The following MDGA2 variants were observed in gnomAD, a reference collection of about 807,000 sequenced individuals.
The protein encoded by MDGA2 is MAM domain containing glycosylphosphatidylinositol anchor 2, also known as MAM domain-containing glycosylphosphatidylinositol anchor protein 2.
Under a neutral mutation model 117.8 loss-of-function variants are expected in MDGA2, and 40 were observed. The ratio of observed to expected loss-of-function variants is 0.34; its 90% CI spans 0.26 to 0.44. The LOEUF is 0.44. Among genes scored for constraint, MDGA2 ranks in the 20% least tolerant of loss-of-function variants. The pLI, the probability that MDGA2 is intolerant of heterozygous loss-of-function variation, is 1.00. For missense variants in MDGA2, 1,123 were observed against 1,250.6 expected, an observed-to-expected ratio of 0.90 and a Z score of 1.54; for synonymous variants, 452 against 439.0, an observed-to-expected ratio of 1.03 and a Z score of -0.37.
chr14:47,601,796 T>C (rs1178288865), intron 1 of MDGA2, among the ~76,000 whole-genome samples: 8 of 152,204 alleles, frequency 5.3e-5, no homozygotes, highest in Admixed American at 5.2e-4. Context: ...GTTAGCCCAG[T>C]GCATATGAAA....
chr14:47,295,763 G>T (rs1042223772), intron 2 of MDGA2, among the ~76,000 whole-genome samples: 1 of 152,132 alleles, frequency 6.6e-6, no homozygotes, highest in South Asian at 2.1e-4. Flanking sequence ...AATTATTAGG[G>T]GGTAGTGGTA....
chr14:47,323,449 A>T (rs971265110), intron 1 of MDGA2, among the ~76,000 whole-genome samples: 4 of 151,692 alleles, frequency 2.6e-5, no homozygotes, highest in Non-Finnish European at 5.9e-5. Flanking sequence ...AATATGGAGA[A>T]ATCCTGTCTC....
chr14:47,019,951 T>C lies in MDGA2; in HGVS notation c.1819+15060A>G, dbSNP rs77590352. On this transcript the variant is annotated intron_variant, in intron 8 of 16. Coordinates refer to ENST00000399232, the MANE Select transcript of MDGA2 (RefSeq NM_001113498.3). ...ATTACTATTGCTAAAAGGAAAATAG[T>C]ATGCATTTATATTTGTATTAGGTTC... Among the ~76,000 whole-genome samples, 48 of 152,288 alleles carry C rather than the reference T, an allele frequency of 3.2e-4. 1 individual carries two copies. The East Asian group carries it at 7.3e-3, about 23-fold the overall frequency.
intron 1 of MDGA2, among the ~76,000 whole-genome samples, chr14:47,543,584 C>T (rs1895395972): frequency 6.6e-6 from 1 of 152,180 alleles, no homozygotes; most frequent in South Asian, 2.1e-4. Context: ...CTAGTTTTTC[C>T]ACATGGTTAA....
chr14:47,574,238 A>G (rs1896074221), intron 1 of MDGA2, among the ~76,000 whole-genome samples: 2 of 152,254 alleles, frequency 1.3e-5, no homozygotes, highest in Non-Finnish European at 2.9e-5. Context: ...GGCCCTATCC[A>G]TATCACAAGC....
intron 1 of MDGA2, among the ~76,000 whole-genome samples, chr14:47,376,060 T>G (rs1891471264): frequency 6.6e-6 from 1 of 152,150 alleles, no homozygotes; most frequent in Admixed American, 6.6e-5. Context: ...CTGTATTTAC[T>G]TCAAAACTAT....
chr14:47,294,000 T>C (rs72682156), intron 2 of MDGA2, among the ~76,000 whole-genome samples: 13,808 of 152,060 alleles, frequency 0.091, 754 homozygotes, highest in Non-Finnish European at 0.11. Flanking sequence ...AATACATTTA[T>C]TCATGTAACC....
intron 1 of MDGA2, among the ~76,000 whole-genome samples, chr14:47,509,172 G>A (rs1276404484): frequency 6.6e-6 from 1 of 152,184 alleles, no homozygotes; most frequent in African/African-American, 2.4e-5. Flanking sequence ...CTAGATGACA[G>A]AATTTAGTCT....
chr14:47,485,225 G>A (rs894125187), intron 1 of MDGA2, among the ~76,000 whole-genome samples: 4 of 152,164 alleles, frequency 2.6e-5, no homozygotes, highest in African/African-American at 9.7e-5. Context: ...AGATGGAGAT[G>A]AGAAACTTGT....
At chr14:47,548,350 C>CT (rs1420859043) in intron 1 of MDGA2, among the ~76,000 whole-genome samples, 1 of 151,888 alleles carries the variant, frequency 6.6e-6, no homozygotes, top group Non-Finnish European at 1.5e-5. Context: ...TTTCTTGCGA[C>CT]TTTTTTTCTT....
intron 2 of MDGA2, among the ~76,000 whole-genome samples, chr14:47,280,689 A>T (rs887585653): frequency 6.6e-6 from 1 of 152,002 alleles, no homozygotes; most frequent in African/African-American, 2.4e-5. Context: ...TATACTAAAA[A>T]ATTGTAAACC....
chr14:46,930,991 C>T (rs547272621), intron 9 of MDGA2, among the ~76,000 whole-genome samples: 89 of 151,838 alleles, frequency 5.9e-4, no homozygotes, highest in Non-Finnish European at 1.1e-3. Flanking sequence ...CCGAGGCGGG[C>T]GGATCACGAG....
intron 1 of MDGA2, among the ~76,000 whole-genome samples, chr14:47,380,483 T>C (rs946519150): frequency 6.2e-5 from 4 of 64,980 alleles, no homozygotes; most frequent in African/African-American, 1.9e-4. Flanking sequence ...GCAAAACTAA[T>C]AAAGAAGAGA....
chr14:47,228,043 G>A (rs1211419443), intron 2 of MDGA2, among the ~76,000 whole-genome samples: 1 of 151,940 alleles, frequency 6.6e-6, no homozygotes, highest in Non-Finnish European at 1.5e-5. Context: ...AACTCTCCCA[G>A]TCTTTCCCAT....
chr14:47,566,331 C>G (rs1188224794), intron 1 of MDGA2, among the ~76,000 whole-genome samples: 4 of 152,158 alleles, frequency 2.6e-5, no homozygotes, highest in African/African-American at 9.7e-5. Context: ...CACATCCAGG[C>G]TGGGATCCCA....
At chr14:47,576,499 T>C (rs1896117775) in intron 1 of MDGA2, among the ~76,000 whole-genome samples, 2 of 152,122 alleles carry the variant, frequency 1.3e-5, no homozygotes, top group South Asian at 4.1e-4. Context: ...AACAGCCATA[T>C]TTCCCCAGTG....
chr14:46,916,889 C>A (rs1292551955), intron 10 of MDGA2, among the ~76,000 whole-genome samples: 1 of 151,946 alleles, frequency 6.6e-6, no homozygotes, highest in Non-Finnish European at 1.5e-5. Context: ...ATCCTAAGAA[C>A]AAAGGAGTAC....
chr14:47,623,345 C>CA (rs760011539), intron 1 of MDGA2, among the ~76,000 whole-genome samples: 1 of 152,142 alleles, frequency 6.6e-6, no homozygotes, highest in African/African-American at 2.4e-5. Flanking sequence ...ATTGCAGCAA[C>CA]AAAAACTGAA....
Position 46,929,540 on chromosome 14 carries a change from T to G in MDGA2, c.2090-9380A>C, listed in dbSNP as rs549682726. Among the ~76,000 whole-genome samples the G allele has an allele frequency of 1.1e-4, 16 of 142,212 alleles. No homozygotes were observed. The South Asian group carries it at 3.7e-3, about 33-fold the overall frequency. 93.3% of individuals were successfully genotyped at this position (142,212 alleles called of 152,430 possible). A position where few individuals can be genotyped will look rare whatever the true frequency, so the allele number is the denominator to read the frequency against. ...TGTGATCTGGTTTTGACAACAGAAT[T>G]TATTTGGTAGGGCAAATGTATATAT... On this transcript the variant is annotated intron_variant, in intron 9 of 16. Coordinates refer to ENST00000399232, the MANE Select transcript of MDGA2 (RefSeq NM_001113498.3).
Sources: allele counts gnomAD v4.1 joint callset (sites outside exome capture counted in the v4.1 genomes callset), GRCh38; gene constraint gnomAD v4.1.1; transcripts MANE v1.5; gene names NCBI Gene and HGNC (gene_info 2026-07-23, HGNC 2026-07-21).